The following PCDHGB1 variants were observed in gnomAD, a reference collection of about 807,000 sequenced individuals.
The protein encoded by PCDHGB1 is protocadherin gamma subfamily B, 1, also known as protocadherin gamma-B1.
In PCDHGB1, 34 loss-of-function variants were observed where a neutral mutation model predicts 56.6. That is an observed-to-expected ratio of 0.60 (90% CI 0.46 to 0.80). The LOEUF (loss-of-function observed/expected upper bound fraction) is 0.80, where lower values mean the gene tolerates loss of function less well. PCDHGB1 is among the 30% of genes least tolerant of loss of function. The probability of loss-of-function intolerance (pLI) is 0.00; values close to 1 mark genes in which losing one functional copy is unlikely to be tolerated. For missense variants in PCDHGB1, 1,278 were observed against 1,204.6 expected, an observed-to-expected ratio of 1.06 and a Z score of -0.90; for synonymous variants, 561 against 505.9, an observed-to-expected ratio of 1.11 and a Z score of -1.46.
intron 1 of PCDHGB1, among the ~76,000 whole-genome samples, chr5:141,443,592 G>A (rs2098395439): frequency 6.6e-6 from 1 of 152,076 alleles, no homozygotes; most frequent in Admixed American, 6.6e-5. Context: ...AACAGAATGT[G>A]GTATATGAAA....
intron 1 of PCDHGB1, among the ~76,000 whole-genome samples, chr5:141,369,219 G>C (rs906791517): frequency 6.6e-6 from 1 of 152,126 alleles, no homozygotes; most frequent in African/African-American, 2.4e-5. Context: ...CCAAGGAAAA[G>C]TGGACAGGAA....
In PCDHGB1 at chr5:141,414,656, C is replaced by A. The variant is rs1409573217; in HGVS notation, c.2409+61987C>A. The A allele has an allele frequency of 1.2e-5, 20 of 1,614,008 alleles. No individual in the cohort carries two copies. Among genetic ancestry groups the A allele is most frequent in the Non-Finnish European group, 1.7e-5 (20 of 1,179,888 alleles). On this transcript the variant is annotated intron_variant, in intron 1 of 3. Transcript: ENST00000523390. ...AAAGAGAATGCCCAGATTATTTACTCCCTGGCTGAAGACACCATCCAGGGG... is the reference window on the plus strand; with the variant it reads ...AAAGAGAATGCCCAGATTATTTACTACCTGGCTGAAGACACCATCCAGGGG...
chr5:141,399,146 G>T (rs758823968), intron 1 of PCDHGB1: 1 of 1,613,792 alleles, frequency 6.2e-7, no homozygotes, highest in East Asian at 2.2e-5. Context: ...AATGACAATA[G>T]CCCAGAAGTT....
Position 141,357,232 on chromosome 5 carries a change from C to T in PCDHGB1, c.2409+4563C>T, listed in dbSNP as rs753504558. On this transcript the variant is annotated intron_variant, in intron 1 of 3. Coordinates refer to ENST00000523390, the MANE Select transcript of PCDHGB1 (RefSeq NM_018922.3). ...AGATGTCCTGGCTGACTTGGGCAGCCTCAAGCCTTCAGCAGACCCAGACGA... is the reference window on the plus strand; with the variant it reads ...AGATGTCCTGGCTGACTTGGGCAGCTTCAAGCCTTCAGCAGACCCAGACGA... 5 of 1,613,846 alleles carry T rather than the reference C, an allele frequency of 3.1e-6. No homozygotes were observed. The Admixed American group carries it at 8.3e-5, about 27-fold the overall frequency.
intron 1 of PCDHGB1, chr5:141,410,822 A>C: frequency 2.2e-6 from 1 of 461,410 alleles, no homozygotes; most frequent in Non-Finnish European, 3.6e-6. Context: ...AAATAATGTC[A>C]CCAGACTGAA....
At chr5:141,368,400 C>T (rs1765636638) in intron 1 of PCDHGB1, among the ~76,000 whole-genome samples, 1 of 152,106 alleles carries the variant, frequency 6.6e-6, no homozygotes, top group Admixed American at 6.6e-5. Flanking sequence ...CACAAACACA[C>T]ATACATACAC....
chr5:141,417,839 C>A, intron 1 of PCDHGB1: 1 of 1,534,218 alleles, frequency 6.5e-7, no homozygotes, highest in South Asian at 1.2e-5. Flanking sequence ...AGCGGGGACC[C>A]AGCGAGAACC....
chr5:141,423,759 G>GGC, intron 1 of PCDHGB1: 9 of 321,042 alleles, frequency 2.8e-5, no homozygotes, highest in Non-Finnish European at 3.6e-5. Context: ...TTGGGGGGGG[G>GGC]GTGGGGCGGC....
chr5:141,504,078 C>T (rs1333392062), intron 2 of PCDHGB1, among the ~76,000 whole-genome samples: 1 of 152,078 alleles, frequency 6.6e-6, no homozygotes, highest in Non-Finnish European at 1.5e-5. Flanking sequence ...CCAGATGGTG[C>T]CAAACAGTTA....
intron 1 of PCDHGB1, chr5:141,420,214 C>T: frequency 6.2e-7 from 1 of 1,611,064 alleles, no homozygotes; most frequent in Non-Finnish European, 8.5e-7. Context: ...ACAAAGATAG[C>T]ATGCTACTGG....
chr5:141,384,609 T>C (rs967686346), intron 1 of PCDHGB1: 1 of 1,614,148 alleles, frequency 6.2e-7, no homozygotes, highest in South Asian at 1.1e-5. Context: ...TCCCCACAGA[T>C]GGTTCTACTG....
intron 1 of PCDHGB1, among the ~76,000 whole-genome samples, chr5:141,467,304 C>T (rs567912553): frequency 2.0e-5 from 3 of 152,266 alleles, no homozygotes; most frequent in Admixed American, 6.5e-5. Flanking sequence ...CCACTCACCT[C>T]GGCCTCCCAC....
At chr5:141,376,432 G>C (rs1402207776) in intron 1 of PCDHGB1, 6 of 1,614,084 alleles carry the variant, frequency 3.7e-6, no homozygotes, top group African/African-American at 1.3e-5. Flanking sequence ...TCAACCAGGA[G>C]AGCTATGAGA....
At chr5:141,399,075 A>C (rs759361503) in intron 1 of PCDHGB1, 1 of 1,613,868 alleles carries the variant, frequency 6.2e-7, no homozygotes, top group Non-Finnish European at 8.5e-7. Flanking sequence ...TGGTTGTAGA[A>C]GGGAGGGATG....
At chr5:141,505,538 T>C in intron 3 of PCDHGB1, 57 bp downstream of exon 3, 1 of 1,610,262 alleles carries the variant, frequency 6.2e-7, no homozygotes, top group Non-Finnish European at 8.5e-7. Context: ...CTGGGGTGCA[T>C]CTCACAGCCA....
chr5:141,363,088 T>C (rs1762804335), intron 1 of PCDHGB1, among the ~76,000 whole-genome samples: 1 of 152,248 alleles, frequency 6.6e-6, no homozygotes, highest in Non-Finnish European at 1.5e-5. Context: ...AATGTATTTC[T>C]AAAGGACAGG....
chr5:141,489,467 C>G lies in PCDHGB1; in HGVS notation c.2410-5340C>G. 1 of 1,614,076 alleles carries G rather than the reference C, an allele frequency of 6.2e-7. No individual in the cohort carries two copies. The highest frequency in any genetic ancestry group is 8.5e-7 in the Non-Finnish European group (1 of 1,180,026). Reference sequence around the variant, plus strand: ...TCTGAGGAGAATGGGCGCTATTTTTCCCTGAGCTTGATGAGTGGTGCCCTG... The same window carrying G: ...TCTGAGGAGAATGGGCGCTATTTTTGCCTGAGCTTGATGAGTGGTGCCCTG... On this transcript the variant is annotated intron_variant, in intron 1 of 3. Transcript: ENST00000523390. The surrounding 1 kb of genome is among the most constrained non-coding windows in gnomAD (Gnocchi z 4.5).
chr5:141,487,041 G>T lies in PCDHGB1; in HGVS notation c.2410-7766G>T, dbSNP rs149314216. Reference sequence around the variant, plus strand: ...GATCCCAGCCTGTTTGCAGTCTCTCGATATGCTGGGGAGGTGCGGACGGCT... The same window carrying T: ...GATCCCAGCCTGTTTGCAGTCTCTCTATATGCTGGGGAGGTGCGGACGGCT... On this transcript the variant is annotated intron_variant, in intron 1 of 3. Transcript: ENST00000523390. This position sits in a 1 kb window ranked among gnomAD's most constrained non-coding sequence, Gnocchi z 5.0. 6.2e-7 allele frequency: 1 copy of T among 1,614,132 alleles called. No homozygotes were observed. The highest frequency in any genetic ancestry group is 8.5e-7 in the Non-Finnish European group (1 of 1,180,030).
intron 1 of PCDHGB1, among the ~76,000 whole-genome samples, chr5:141,445,733 T>C (rs1031885468): frequency 6.6e-6 from 1 of 152,186 alleles, no homozygotes; most frequent in Non-Finnish European, 1.5e-5. Context: ...TGTGTAAAGA[T>C]CTTTTTAAAA....
Sources: gnomAD v4.1 joint callset for allele counts (sites outside exome capture counted in the v4.1 genomes callset) on GRCh38, gnomAD v4.1.1 for gene constraint, Gnocchi (gnomAD v3.1) non-coding constraint, MANE v1.5 for transcripts, NCBI Gene and HGNC (gene_info 2026-07-23, HGNC 2026-07-21) for gene names.